The following SDK2 variants were observed in gnomAD, a reference collection of about 807,000 sequenced individuals.
SDK2 encodes the protein protein sidekick-2.
Under a neutral mutation model 253.9 loss-of-function variants are expected in SDK2, and 105 were observed. That is an observed-to-expected ratio of 0.41 (90% CI 0.35 to 0.49). The LOEUF is 0.49. SDK2 is among the 20% of genes least tolerant of loss of function. The probability of loss-of-function intolerance (pLI) is 0.06; values close to 1 mark genes in which losing one functional copy is unlikely to be tolerated. For synonymous variants in SDK2, 1,249 were observed against 1,234.9 expected, an observed-to-expected ratio of 1.01 and a Z score of -0.24; for missense variants, 2,608 against 3,003.0, an observed-to-expected ratio of 0.87 and a Z score of 3.07.
In SDK2 at chr17:73,447,110, G is replaced by A. The variant is rs534722196; in HGVS notation, c.613+505C>T. On this transcript the variant is annotated intron_variant, in intron 5 of 44. Transcript: ENST00000392650. The surrounding 1 kb of genome is among the most constrained non-coding windows in gnomAD (Gnocchi z 4.0). ...GAGGATGGAGGTGTTTTAGGTGGGT[G>A]CCTGGGCAGAGGGCCTGTCTTCCCA... is the stretch of plus-strand genomic sequence containing the variant. Among the ~76,000 whole-genome samples the A allele has an allele frequency of 6.6e-6, 1 of 152,286 alleles. No individual in the cohort carries two copies. The highest frequency in any genetic ancestry group is 2.1e-4 in the South Asian group (1 of 4,824).
rs76180662 is a variant in SDK2 at position 73,355,858 on chromosome 17, T to C, written c.5593+2221A>G. ...TGCCCAGTTTCGGAACTTCATGCCT[T>C]GAAATTTTAGTACTGGGGTACAAAT... On this transcript the variant is annotated intron_variant, in intron 40 of 44. Transcript: ENST00000392650. 4.5e-3 allele frequency among the ~76,000 whole-genome samples: 691 copies of C among 152,310 alleles called. 9 individuals carry two copies. Among genetic ancestry groups the C allele is most frequent in the African/African-American group, 0.016 (650 of 41,564 alleles).
At chr17:73,441,011 T>C in intron 5 of SDK2, 88 bp from the exon 6 acceptor site, 1 of 1,019,234 alleles carries the variant, frequency 9.8e-7, no homozygotes, top group Middle Eastern at 2.2e-4. Flanking sequence ...CTGGGAGGTC[T>C]TTGTCCTTAC....
chr17:73,506,169 C>T (rs12150205), intron 2 of SDK2, among the ~76,000 whole-genome samples: 89,488 of 152,114 alleles, frequency 0.59, 26,873 homozygotes, highest in Non-Finnish European at 0.65. Flanking sequence ...ATGCAGGGGC[C>T]CTTCACAGAG....
At chr17:73,357,628 A>C in intron 40 of SDK2, 1 of 286,792 alleles carries the variant, frequency 3.5e-6, no homozygotes, top group Non-Finnish European at 6.7e-6. Context: ...AGTTCTTGTG[A>C]TTCAATTTCA....
intron 1 of SDK2, among the ~76,000 whole-genome samples, chr17:73,628,031 G>A (rs551849017): frequency 3.3e-5 from 5 of 152,218 alleles, no homozygotes; most frequent in African/African-American, 7.2e-5. Flanking sequence ...CAGCCTGGGC[G>A]ACAGAGCGAG....
At chr17:73,535,799 G>A (rs2044762561) in intron 1 of SDK2, among the ~76,000 whole-genome samples, 1 of 152,142 alleles carries the variant, frequency 6.6e-6, no homozygotes, top group African/African-American at 2.4e-5. Flanking sequence ...GGGCTGATTA[G>A]GAACCTGGGT....
chr17:73,562,058 A>G (rs2045243882), intron 1 of SDK2, among the ~76,000 whole-genome samples: 1 of 152,154 alleles, frequency 6.6e-6, no homozygotes, highest in African/African-American at 2.4e-5. Context: ...CCCGGGAGGC[A>G]GAGGTTGCAG....
chr17:73,512,037 CTG>C (rs1263174079), intron 1 of SDK2, among the ~76,000 whole-genome samples: 1 of 152,002 alleles, frequency 6.6e-6, no homozygotes, highest in African/African-American at 2.4e-5. Context: ...GTATGTGTGT[CTG>C]TGGTCTGTTT....
intron 40 of SDK2, among the ~76,000 whole-genome samples, chr17:73,355,174 A>ATATATATATTTTTTTTTTT: frequency 6.4e-5 from 3 of 47,224 alleles, no homozygotes; most frequent in Non-Finnish European, 1.0e-4. Context: ...ATATATATAT[A>ATATATATATTTTTTTTTTT]TTTTTTTTTT....
intron 40 of SDK2, among the ~76,000 whole-genome samples, chr17:73,355,192 T>G (rs1256916307): frequency 6.1e-5 from 3 of 49,304 alleles, no homozygotes; most frequent in African/African-American, 1.9e-4. Flanking sequence ...TTTTTTTTTT[T>G]TTTAGACGGA....
chr17:73,480,013 A>G (rs2063711451), intron 2 of SDK2, among the ~76,000 whole-genome samples: 1 of 152,128 alleles, frequency 6.6e-6, no homozygotes, highest in African/African-American at 2.4e-5. Flanking sequence ...TTTCTTTATC[A>G]TCACCCAGGT....
At position 73,383,885 on chromosome 17, in the gene SDK2, C is replaced by A; in HGVS notation, c.4696G>T (p.Glu1566Ter). 1 of 1,614,004 alleles carries A rather than the reference C, an allele frequency of 6.2e-7. No homozygotes were observed. Among genetic ancestry groups the A allele is most frequent in the African/African-American group, 1.3e-5 (1 of 75,056 alleles). The part of the protein sequence containing the change: ...GINNPGATWA[E>*]LTSMYSMRNL... ...CCCAAGTGTCACTCACAGGTAAGCT[C>A]AGCCCATGTGGCCCCTGGGTTGTTG... is the stretch of plus-strand genomic sequence containing the variant. The change falls in exon 33 of 45, where the codon GAG (glutamate) becomes TAG (stop). Residue 1566 changes from glutamate (E) to a stop codon, truncating the protein, a stop_gained. Coordinates refer to ENST00000392650, the MANE Select transcript of SDK2 (RefSeq NM_001144952.2). LOFTEE classifies it high-confidence loss of function. The surrounding 1 kb of genome is among the most constrained non-coding windows in gnomAD (Gnocchi z 4.3).
chr17:73,457,270 CCTT>C (rs2063533607), intron 3 of SDK2, among the ~76,000 whole-genome samples: 2 of 57,954 alleles, frequency 3.5e-5, no homozygotes, highest in Non-Finnish European at 3.0e-5. Context: ...TTCCTTCCTT[CCTT>C]CCTTCCTTCC....
At chr17:73,561,174 G>T (rs1295414151) in intron 1 of SDK2, among the ~76,000 whole-genome samples, 1 of 152,202 alleles carries the variant, frequency 6.6e-6, no homozygotes, top group African/African-American at 2.4e-5. Flanking sequence ...CAAGGGAGGG[G>T]CCAAGCGAGC....
chr17:73,612,144 C>T lies in SDK2; in HGVS notation c.64+31881G>A, dbSNP rs908975214. 2.0e-5 allele frequency among the ~76,000 whole-genome samples: 3 copies of T among 152,194 alleles called. No homozygotes were observed. Among genetic ancestry groups the T allele is most frequent in the South Asian group, 2.1e-4 (1 of 4,836 alleles). ...TCGTTATGAAAATAAACAGCAATTC[C>T]TTTCACCCCCGCTGCAGCCTCTTCA... is the stretch of plus-strand genomic sequence containing the variant. On this transcript the variant is annotated intron_variant, in intron 1 of 44. Transcript: ENST00000392650. This position sits in a 1 kb window ranked among gnomAD's most constrained non-coding sequence, Gnocchi z 4.4.
At chr17:73,413,599 C>A (rs1443972490) in intron 18 of SDK2, among the ~76,000 whole-genome samples, 1 of 152,152 alleles carries the variant, frequency 6.6e-6, no homozygotes, top group African/African-American at 2.4e-5. Flanking sequence ...TCTACGACCA[C>A]TAAAATCACT....
intron 2 of SDK2, among the ~76,000 whole-genome samples, chr17:73,502,500 C>T (rs2063898406): frequency 6.6e-6 from 1 of 152,326 alleles, no homozygotes; most frequent in Non-Finnish European, 1.5e-5. Flanking sequence ...AGGACCCATG[C>T]TCCAGCTTGA....
intron 1 of SDK2, among the ~76,000 whole-genome samples, chr17:73,553,014 T>C (rs1278555892): frequency 6.6e-6 from 1 of 152,220 alleles, no homozygotes; most frequent in Admixed American, 6.5e-5. Context: ...TGGGATTGGC[T>C]GCAGCTCCCA....
In SDK2 at chr17:73,348,740, G is replaced by C; in HGVS notation, c.6039-15C>G. 6.3e-7 allele frequency: 1 copy of C among 1,599,898 alleles called. No individual in the cohort carries two copies. Among genetic ancestry groups the C allele is most frequent in the Non-Finnish European group, 8.5e-7 (1 of 1,177,540 alleles). ...TGGGGGGAGACCTGGAGAGAGCGGG[G>C]GAGTGGGGCCGAGAGGTGCACTCAC... is the stretch of plus-strand genomic sequence containing the variant. On this transcript the variant is annotated splice_polypyrimidine_tract_variant and intron_variant, in intron 43 of 44. Transcript: ENST00000392650.
Sources: allele counts gnomAD v4.1 joint callset (sites outside exome capture counted in the v4.1 genomes callset), GRCh38; gene constraint gnomAD v4.1.1; non-coding constraint Gnocchi (gnomAD v3.1); transcripts MANE v1.5; gene names NCBI Gene and HGNC (gene_info 2026-07-23, HGNC 2026-07-21).